The following BLOC1S3 variants were observed in gnomAD, a reference collection of about 807,000 sequenced individuals.
BLOC1S3 encodes biogenesis of lysosome-related organelles complex 1 subunit 3.
BLOC1S3 carries 7 observed loss-of-function variants against 9.1 expected under a neutral mutation model. The ratio of observed to expected loss-of-function variants is 0.77; its 90% CI spans 0.44 to 1.45. BLOC1S3 has a LOEUF of 1.45. Among genes scored for constraint, BLOC1S3 ranks in the 40% most tolerant of loss-of-function variants. The pLI, the probability that BLOC1S3 is intolerant of heterozygous loss-of-function variation, is 0.01. For missense variants in BLOC1S3, 307 were observed against 315.2 expected (o/e 0.97, Z 0.20); for synonymous variants, 145 against 158.4 (o/e 0.92, Z 0.64).
chr19:45,195,913 A>G lies in BLOC1S3; in HGVS notation n.181-6493A>G, dbSNP rs556662370. On this transcript the variant is annotated intron_variant and non_coding_transcript_variant, in intron 2 of 3. Coordinates refer to the BLOC1S3 transcript ENST00000591569. ...CCCAGCCTGCCTTTTTCAAGTAGTC[A>G]TATGTCTTGGAGAGCATTCTAATCA... Among the ~76,000 whole-genome samples the G allele has an allele frequency of 1.6e-4, 25 of 152,262 alleles. No homozygotes were observed. The East Asian group carries it at 4.8e-3, about 29-fold the overall frequency.
At chr19:45,186,703 TCAA>T (rs918532536), downstream of BLOC1S3, among the ~76,000 whole-genome samples, 26 of 152,032 alleles carry the variant, frequency 1.7e-4, no homozygotes, top group Non-Finnish European at 2.6e-4. Flanking sequence ...AGACTCCGTC[TCAA>T]CAACAACAAC....
At chr19:45,188,634 G>T (rs1466912159) in intron 2 of BLOC1S3, among the ~76,000 whole-genome samples, 6 of 150,734 alleles carry the variant, frequency 4.0e-5, no homozygotes, top group African/African-American at 1.5e-4. Flanking sequence ...GTGCAATGGT[G>T]CATTCTTGGC....
Position 45,179,600 on chromosome 19 carries a change from C to G in BLOC1S3, c.304C>G (p.Pro102Ala). ...EAWGTEEAPA[P>A]APARSLLQLR... Reference sequence around the variant, plus strand: ...CTGGGGCACGGAGGAGGCCCCGGCGCCCGCCCCCGCGCGCTCGCTCCTGCA... The same window carrying G: ...CTGGGGCACGGAGGAGGCCCCGGCGGCCGCCCCCGCGCGCTCGCTCCTGCA... The change falls in exon 2 of 2, where the codon CCC becomes GCC. Residue 102 changes from proline to alanine, a missense_variant. Coordinates refer to ENST00000433642, the MANE Select transcript of BLOC1S3 (RefSeq NM_212550.5). This position sits in a 1 kb window ranked among gnomAD's most constrained non-coding sequence, Gnocchi z 4.6. 6.8e-7 allele frequency: 1 copy of G among 1,475,326 alleles called. No homozygotes were observed. Among genetic ancestry groups the G allele is most frequent in the South Asian group, 1.3e-5 (1 of 77,636 alleles). 91.4% of individuals were successfully genotyped at this position (1,475,326 alleles called of 1,614,324 possible).
intron 3 of BLOC1S3, chr19:45,213,109 G>T: frequency 6.5e-7 from 1 of 1,544,004 alleles, no homozygotes; most frequent in East Asian, 2.3e-5. Context: ...CGGAGGCCGG[G>T]GCCGAGGCAG....
Position 45,179,354 on chromosome 19 carries a change from G to GA in BLOC1S3, c.58_59insA (p.Gly20GlufsTer125). On this transcript the variant is annotated frameshift_variant, in exon 2 of 2. Coordinates refer to ENST00000433642, the MANE Select transcript of BLOC1S3 (RefSeq NM_212550.5). LOFTEE classifies it high-confidence loss of function. This position sits in a 1 kb window ranked among gnomAD's most constrained non-coding sequence, Gnocchi z 4.6. ...GCGGAGGCCGGAGACGGTGGTGCCG[G>GA]GGGAGGCGACCGAGACGGATTCCGA... 1 of 1,586,626 alleles carries GA rather than the reference G, an allele frequency of 6.3e-7. No homozygotes were observed.
intron 3 of BLOC1S3, chr19:45,212,950 AGG>A: frequency 1.7e-6 from 2 of 1,184,028 alleles, no homozygotes; most frequent in Non-Finnish European, 2.2e-6. Flanking sequence ...AAGACATCTA[AGG>A]GTCTTTCTAT....
rs750170358 is a variant in BLOC1S3 at position 45,179,916 on chromosome 19, A to C, written c.*11A>C. The stretch of plus-strand genomic sequence containing the variant: ...GGGCCGCGGGCCTAGCCATGATTCT[A>C]CTTCCCAACCTGACTGCAATTTGGG... On this transcript the variant is annotated 3_prime_UTR_variant, in exon 2 of 2. Coordinates refer to ENST00000433642, the MANE Select transcript of BLOC1S3 (RefSeq NM_212550.5). This position sits in a 1 kb window ranked among gnomAD's most constrained non-coding sequence, Gnocchi z 4.6. 1.2e-6 allele frequency: 2 copies of C among 1,605,890 alleles called. No homozygotes were observed. Among genetic ancestry groups the C allele is most frequent in the Non-Finnish European group, 1.7e-6 (2 of 1,176,512 alleles).
chr19:45,213,031 C>CA (rs778001306), intron 3 of BLOC1S3: 2 of 1,451,558 alleles, frequency 1.4e-6, no homozygotes, highest in East Asian at 4.9e-5. Context: ...TTGTCAGCAG[C>CA]ATAGATGGGG....
At chr19:45,196,976 C>T (rs910975367) in intron 2 of BLOC1S3, among the ~76,000 whole-genome samples, 1 of 151,524 alleles carries the variant, frequency 6.6e-6, no homozygotes, top group Non-Finnish European at 1.5e-5. Context: ...GGGAAGTGCT[C>T]AGAAGCCATG....
chr19:45,193,132 CAAAAAAAAAAAAA>C (rs71173123), intron 2 of BLOC1S3, among the ~76,000 whole-genome samples: 10 of 77,956 alleles, frequency 1.3e-4, no homozygotes, highest in East Asian at 6.2e-4. Flanking sequence ...AACTCCGTCT[CAAAAAAAAAAAAA>C]AAAAAAAAAA....
At position 45,179,707 on chromosome 19, in the gene BLOC1S3, C is replaced by T. The variant is rs1168354557; in HGVS notation, c.411C>T (p.Arg137=). ...GCGGTGTCTACCGCCGTGCAGGCCGCGACGTGGCCGCCCTGGCTAGTAGGC... is the reference window on the plus strand; with the variant it reads ...GCGGTGTCTACCGCCGTGCAGGCCGTGACGTGGCCGCCCTGGCTAGTAGGC... ...AVSGVYRRAG[R]DVAALASRLA... The change falls in exon 2 of 2, where the codon CGC becomes CGT. Residue 137 remains arginine (R), a synonymous_variant. Transcript: ENST00000433642. The surrounding 1 kb of genome is among the most constrained non-coding windows in gnomAD (Gnocchi z 4.6). The T allele has an allele frequency of 4.1e-6, 6 of 1,458,782 alleles. No individual in the cohort carries two copies. The highest frequency in any genetic ancestry group is 5.4e-6 in the Non-Finnish European group (6 of 1,112,264). The allele number at this position is 1,458,782 out of a possible 1,614,324, so 90.4% of individuals were successfully genotyped here. A position where few individuals can be genotyped will look rare whatever the true frequency, so the allele number is the denominator to read the frequency against.
intron 3 of BLOC1S3, among the ~76,000 whole-genome samples, chr19:45,202,997 T>C (rs1969702461): frequency 6.6e-6 from 1 of 151,954 alleles, no homozygotes; most frequent in East Asian, 1.9e-4. Flanking sequence ...TGCCCTATCC[T>C]CCTATGGCTG....
downstream of BLOC1S3, chr19:45,217,066 A>C: frequency 6.6e-6 from 1 of 151,936 alleles, no homozygotes; most frequent in Non-Finnish European, 1.5e-5. Context: ...TCTGTCCTCC[A>C]GGCTGGAGTG....
intron 2 of BLOC1S3, among the ~76,000 whole-genome samples, chr19:45,191,398 G>C (rs1969606428): frequency 6.6e-6 from 1 of 152,224 alleles, no homozygotes; most frequent in Admixed American, 6.5e-5. Context: ...TGGTATTACA[G>C]GCATGAGCCA....
intron 3 of BLOC1S3, among the ~76,000 whole-genome samples, chr19:45,211,504 C>A (rs1251333884): frequency 1.4e-5 from 2 of 145,086 alleles, no homozygotes; most frequent in Non-Finnish European, 3.0e-5. Flanking sequence ...GAATGAGACT[C>A]TGACTGAAAA....
At position 45,213,284 on chromosome 19, in the gene BLOC1S3, C is replaced by T. The variant is rs372471842; in HGVS notation, n.283-3392C>T. The T allele has an allele frequency of 2.6e-5, 42 of 1,613,594 alleles. 1 individual carries two copies. The South Asian group carries it at 3.2e-4, about 12-fold the overall frequency. The stretch of plus-strand genomic sequence containing the variant: ...TCAGAGAGTTCCAGGTCCCGGGCCA[C>T]GGCCAGGATCTCCTGGCGGGCGGCT... On this transcript the variant is annotated intron_variant and non_coding_transcript_variant, in intron 3 of 3. Coordinates refer to the BLOC1S3 transcript ENST00000591569.
intron 3 of BLOC1S3, among the ~76,000 whole-genome samples, chr19:45,210,595 G>C (rs1209370973): frequency 6.6e-6 from 1 of 150,690 alleles, no homozygotes; most frequent in Non-Finnish European, 1.5e-5. Context: ...CACCTCACCC[G>C]GCCACTTTTT....
At chr19:45,204,100 C>T (rs181209591) in intron 3 of BLOC1S3, among the ~76,000 whole-genome samples, 1 of 151,744 alleles carries the variant, frequency 6.6e-6, no homozygotes, top group East Asian at 1.9e-4. Context: ...TCTGCCTCCC[C>T]GGTTCAAGCA....
At chr19:45,200,870 G>A (rs540341633) in intron 2 of BLOC1S3, among the ~76,000 whole-genome samples, 1 of 152,196 alleles carries the variant, frequency 6.6e-6, no homozygotes, top group Admixed American at 6.6e-5. Flanking sequence ...GCATTAGGGG[G>A]CACCCCAGGC....
Sources: allele counts gnomAD v4.1 joint callset (sites outside exome capture counted in the v4.1 genomes callset), GRCh38; gene constraint gnomAD v4.1.1; non-coding constraint Gnocchi (gnomAD v3.1); transcripts MANE v1.5; gene names NCBI Gene and HGNC (gene_info 2026-07-23, HGNC 2026-07-21).